The following ZNF251 variants were observed in gnomAD, a reference collection of about 807,000 sequenced individuals.
The protein encoded by ZNF251 is zinc finger protein 251.
ZNF251 carries 14 observed loss-of-function variants against 13.5 expected under a neutral mutation model. The ratio of observed to expected loss-of-function variants is 1.04; its 90% CI spans 0.69 to 1.63. ZNF251 has a LOEUF of 1.63. ZNF251 is among the 40% of genes most tolerant of loss of function. The probability of loss-of-function intolerance (pLI) is 0.00; values close to 1 mark genes in which losing one functional copy is unlikely to be tolerated. For synonymous variants in ZNF251, 287 were observed against 295.2 expected (o/e 0.97, Z 0.28); for missense variants, 764 against 834.9 (o/e 0.92, Z 1.05).
Position 144,722,888 on chromosome 8 carries a change from T to C in ZNF251, c.772A>G (p.Ile258Val), listed in dbSNP as rs1296358781. The C allele has an allele frequency of 7.4e-6, 12 of 1,614,040 alleles. No homozygotes were observed. Among genetic ancestry groups the C allele is most frequent in the South Asian group, 2.2e-5 (2 of 91,084 alleles). ...HSSNLVLHHHIHTGNKPFKCD... is the reference protein window; with the variant it reads ...HSSNLVLHHHVHTGNKPFKCD... ...TTAAATGGTTTATTTCCAGTGTGAA[T>C]GTGATGGTGCAGAACAAGATTTGAG... Residue 258 changes from isoleucine (I) to valine (V), a missense_variant, in exon 5 of 5, where the codon ATT becomes GTT. By Grantham distance (29) the Ile-to-Val change is conservative. Transcript: ENST00000292562. This position sits in a 1 kb window ranked among gnomAD's most constrained non-coding sequence, Gnocchi z 4.8.
Position 144,732,706 on chromosome 8 carries a change from G to A in ZNF251, c.278-9324C>T, listed in dbSNP as rs191251626. Among the ~76,000 whole-genome samples, 1,167 of 152,106 alleles carry A rather than the reference G, an allele frequency of 7.7e-3. 9 individuals carry two copies. The highest frequency in any genetic ancestry group is 0.027 in the African/African-American group (1,102 of 41,488). ...AGGCACTTATAGTCCCAGCTACTTG[G>A]GAGGCTGAGGCAGGAGAATGGCGTG... On this transcript the variant is annotated intron_variant, in intron 4 of 4. Transcript: ENST00000292562.
rs752625809 is a variant in ZNF251, at chr8:144,722,677, C to A, written c.983G>T (p.Arg328Ile). 2.1e-5 allele frequency: 34 copies of A among 1,613,898 alleles called. No individual in the cohort carries two copies. Among genetic ancestry groups the A allele is most frequent in the Admixed American group, 1.2e-4 (7 of 59,988 alleles). ...EKPYKCNECG[R>I]GFSQSPQLTQ... ...TAACTGGGGGCTCTGGCTAAAGCCT[C>A]TTCCACATTCATTACACTTGTAGGG... is the stretch of plus-strand genomic sequence containing the variant. Residue 328 changes from arginine (R) to isoleucine (I), a missense_variant, in exon 5 of 5, where the codon AGA (arginine) becomes ATA (isoleucine). Arg to Ile is a moderately conservative substitution (Grantham distance 97). Transcript: ENST00000292562. This position sits in a 1 kb window ranked among gnomAD's most constrained non-coding sequence, Gnocchi z 4.8.
chr8:144,740,645 T>A (rs1305375399), intron 4 of ZNF251, among the ~76,000 whole-genome samples: 2 of 137,252 alleles, frequency 1.5e-5, no homozygotes, highest in East Asian at 2.2e-4. Flanking sequence ...CAAAAAAAAA[T>A]AAAAATAGGC....
intron 4 of ZNF251, among the ~76,000 whole-genome samples, chr8:144,735,528 C>T (rs992924323): frequency 1.3e-5 from 2 of 152,132 alleles, no homozygotes; most frequent in African/African-American, 2.4e-5. Flanking sequence ...AGGACACTGG[C>T]CCACATCCCC....
At chr8:144,754,591 TG>T (rs1824866523) in intron 2 of ZNF251, 104 bp downstream of exon 2, 2 of 1,482,942 alleles carry the variant, frequency 1.3e-6, no homozygotes, top group East Asian at 4.9e-5. Flanking sequence ...TATGAGCCCC[TG>T]GCTGGCCTTA....
rs908623934 is a variant in ZNF251 at position 144,755,369 on chromosome 8, C to G, written c.-76+36G>C. On this transcript the variant is annotated intron_variant, in intron 1 of 4. Transcript: ENST00000292562. ...CCCGCGCCCTCCCCGCCTGCCTGCC[C>G]GCTTGGCGCTCCTTCCTGGTCCGAC... 6 of 1,286,332 alleles carry G rather than the reference C, an allele frequency of 4.7e-6. No homozygotes were observed. In the African/African-American group the frequency reaches 9.2e-5, roughly 20 times the overall value. 79.7% of individuals were successfully genotyped at this position (1,286,332 alleles called of 1,614,324 possible). A position where few individuals can be genotyped will look rare whatever the true frequency, so the allele number is the denominator to read the frequency against.
chr8:144,755,474 C>T lies in ZNF251; in HGVS notation c.-145G>A, dbSNP rs564295714. 2.1e-4 allele frequency: 270 copies of T among 1,287,470 alleles called. 3 individuals carry two copies. The South Asian group carries it at 3.0e-3, about 14-fold the overall frequency. The allele number at this position is 1,287,470 out of a possible 1,614,324, so 79.8% of individuals were successfully genotyped here. Reference sequence around the variant, plus strand: ...CTGCGCAGTCGCACCGAGCCCGGAACGGACCCTCCCACAGAACCGGGTCCA... The same window carrying T: ...CTGCGCAGTCGCACCGAGCCCGGAATGGACCCTCCCACAGAACCGGGTCCA... On this transcript the variant is annotated 5_prime_UTR_variant, in exon 1 of 5. Transcript: ENST00000292562.
intron 4 of ZNF251, among the ~76,000 whole-genome samples, chr8:144,748,861 A>G (rs1484694130): frequency 6.6e-6 from 1 of 152,196 alleles, no homozygotes; most frequent in Non-Finnish European, 1.5e-5. Context: ...TCCTGGCCGA[A>G]GCAGGTTCCT....
At chr8:144,725,764 A>T (rs1004988257) in intron 4 of ZNF251, among the ~76,000 whole-genome samples, 1 of 152,250 alleles carries the variant, frequency 6.6e-6, no homozygotes, top group African/African-American at 2.4e-5. Context: ...AAATTTGACA[A>T]CAGTACGAGA....
intron 3 of ZNF251, 39 bp downstream of exon 3, chr8:144,754,153 G>A: frequency 6.3e-7 from 1 of 1,593,282 alleles, no homozygotes; most frequent in Non-Finnish European, 8.6e-7. Context: ...CTCCTCAGAG[G>A]CCCCCACTGC....
intron 4 of ZNF251, among the ~76,000 whole-genome samples, chr8:144,733,484 C>T (rs1292730517): frequency 6.6e-6 from 1 of 152,226 alleles, no homozygotes; most frequent in Non-Finnish European, 1.5e-5. Context: ...GCCTGAGTTC[C>T]CAACCCCTCC....
chr8:144,723,953 C>G (rs1228873161), intron 4 of ZNF251, among the ~76,000 whole-genome samples: 1 of 152,132 alleles, frequency 6.6e-6, no homozygotes. Flanking sequence ...TGTAAAGAAT[C>G]TGGGCCAGGG....
rs1336091359 is a variant in ZNF251 at position 144,753,703 on chromosome 8, A to G, written c.257T>C (p.Ile86Thr). 2 of 1,587,674 alleles carry G rather than the reference A, an allele frequency of 1.3e-6. No individual in the cohort carries two copies. The highest frequency in any genetic ancestry group is 1.3e-5 in the African/African-American group (1 of 74,560). Residue 86 changes from isoleucine (I) to threonine (T), a missense_variant, in exon 4 of 5, where the codon ATC becomes ACC. Coordinates refer to ENST00000292562, the MANE Select transcript of ZNF251 (RefSeq NM_138367.2). ...CTCACCTTTCTGGCAGCTTTTCAAG[A>G]TATCTGGTTCCTCAGCTCCCAGAAG... Reference protein sequence around the residue: ...LNLLGAEEPDILKSCQKDSEV... With the variant: ...LNLLGAEEPDTLKSCQKDSEV...
intron 4 of ZNF251, among the ~76,000 whole-genome samples, chr8:144,724,217 G>C (rs375090336): frequency 7.1e-6 from 1 of 140,314 alleles, no homozygotes; most frequent in Non-Finnish European, 1.5e-5. Context: ...AGCTGAGATC[G>C]CGCCACTGCA....
intron 4 of ZNF251, among the ~76,000 whole-genome samples, chr8:144,730,591 G>A (rs548306191): frequency 3.3e-5 from 5 of 152,086 alleles, no homozygotes; most frequent in South Asian, 4.2e-4. Context: ...GTGACGCTGC[G>A]ACGGGGCGTC....
chr8:144,722,674 C>A lies in ZNF251; in HGVS notation c.986G>T (p.Gly329Val), dbSNP rs1027200601. The A allele has an allele frequency of 1.9e-6, 3 of 1,613,712 alleles. No individual in the cohort carries two copies. The highest frequency in any genetic ancestry group is 2.5e-6 in the Non-Finnish European group (3 of 1,179,938). The change falls in exon 5 of 5, where the codon GGC (glycine) becomes GTC (valine). Residue 329 changes from glycine to valine, a missense_variant. Gly to Val is a moderately radical substitution (Grantham distance 109). Coordinates refer to ENST00000292562, the MANE Select transcript of ZNF251 (RefSeq NM_138367.2). The surrounding 1 kb of genome is among the most constrained non-coding windows in gnomAD (Gnocchi z 4.8). ...KPYKCNECGR[G>V]FSQSPQLTQH... is the part of the protein sequence containing the mutation. ...AGTTAACTGGGGGCTCTGGCTAAAG[C>A]CTCTTCCACATTCATTACACTTGTA...
At chr8:144,739,848 T>C (rs1258652191) in intron 4 of ZNF251, among the ~76,000 whole-genome samples, 5 of 150,732 alleles carry the variant, frequency 3.3e-5, no homozygotes, top group African/African-American at 7.4e-5. Context: ...CGAGCCAAGA[T>C]GGCACCACTG....
chr8:144,722,786 G>A lies in ZNF251; in HGVS notation c.874C>T (p.Pro292Ser), dbSNP rs764073952. The A allele has an allele frequency of 1.9e-6, 3 of 1,614,108 alleles. No individual in the cohort carries two copies. Among genetic ancestry groups the A allele is most frequent in the South Asian group, 1.1e-5 (1 of 91,090 alleles). The change falls in exon 5 of 5, where the codon CCC (proline) becomes TCC (serine). Residue 292 changes from proline (P) to serine (S), a missense_variant. By Grantham distance (74) the Pro-to-Ser change is moderately conservative. Transcript: ENST00000292562. The surrounding 1 kb of genome is among the most constrained non-coding windows in gnomAD (Gnocchi z 4.8). ...LHRRIHTGEK[P>S]FGCGECGKAF... ...TTCCCACACTCACCACAGCCAAAGG[G>A]TTTTTCTCCAGTGTGAATTCTCCGA...
intron 4 of ZNF251, among the ~76,000 whole-genome samples, chr8:144,740,738 A>G (rs1017427597): frequency 1.3e-5 from 2 of 152,108 alleles, no homozygotes; most frequent in Non-Finnish European, 2.9e-5. Context: ...ATTCGAGACC[A>G]GCCTGACCAA....
Sources: gnomAD v4.1 joint callset for allele counts (sites outside exome capture counted in the v4.1 genomes callset) on GRCh38, gnomAD v4.1.1 for gene constraint, Gnocchi (gnomAD v3.1) non-coding constraint, MANE v1.5 for transcripts, NCBI Gene and HGNC (gene_info 2026-07-23, HGNC 2026-07-21) for gene names.